Variants in SYPL1 observed in about 807,000 individuals in gnomAD.
The protein encoded by SYPL1 is synaptophysin like 1.
Under a neutral mutation model 23.7 loss-of-function variants are expected in SYPL1, and 6 were observed. That is an observed-to-expected ratio of 0.25 (90% CI 0.14 to 0.50). SYPL1 has a LOEUF of 0.50. Ranked by LOEUF, SYPL1 falls within the 20% of genes least tolerant of loss-of-function variation. The probability of loss-of-function intolerance (pLI) is 0.98; values close to 1 mark genes in which losing one functional copy is unlikely to be tolerated. For synonymous variants in SYPL1, 102 were observed against 104.5 expected, an observed-to-expected ratio of 0.98 and a Z score of 0.15; for missense variants, 253 against 288.9, an observed-to-expected ratio of 0.88 and a Z score of 0.90.
chr7:106,099,432 C>T lies in SYPL1; in HGVS notation c.70-150G>A, dbSNP rs948528677. Reference sequence around the variant, plus strand: ...TTTTTTTGAGACAGGGTTTCTGTCGCCCAGACTGGAGTACACTGGCACGAT... The same window carrying T: ...TTTTTTTGAGACAGGGTTTCTGTCGTCCAGACTGGAGTACACTGGCACGAT... On this transcript the variant is annotated intron_variant, in intron 1 of 4. Coordinates refer to ENST00000455385, the MANE Select transcript of SYPL1 (RefSeq NM_182715.4). 11 of 1,009,858 alleles carry T rather than the reference C, an allele frequency of 1.1e-5. No individual in the cohort carries two copies. In the Admixed American group the frequency reaches 1.5e-4, roughly 14 times the overall value. The allele number at this position is 1,009,858 out of a possible 1,614,324, so 62.6% of individuals were successfully genotyped here.
intron 1 of SYPL1, among the ~76,000 whole-genome samples, chr7:106,102,388 G>A (rs1048916559): frequency 1.3e-5 from 2 of 152,148 alleles, no homozygotes; most frequent in South Asian, 2.1e-4. Context: ...GAACCACAAC[G>A]CCCGGCCAAA....
rs1173249625 is a variant in SYPL1 at position 106,100,629 on chromosome 7, A to G, written c.70-1347T>C. ...GTGGTGATGGCTCTATTTTCAAAAT[A>G]CATTTGCAATCTGACCACTTGTACT... On this transcript the variant is annotated intron_variant, in intron 1 of 4. Coordinates refer to ENST00000455385, the MANE Select transcript of SYPL1 (RefSeq NM_182715.4). The surrounding 1 kb of genome is among the most constrained non-coding windows in gnomAD (Gnocchi z 5.1). 6.6e-6 allele frequency among the ~76,000 whole-genome samples: 1 copy of G among 152,194 alleles called. No homozygotes were observed. The highest frequency in any genetic ancestry group is 2.4e-5 in the African/African-American group (1 of 41,454).
chr7:106,111,924 C>T, intron 1 of SYPL1: 1 of 403,454 alleles, frequency 2.5e-6, no homozygotes, highest in Non-Finnish European at 3.7e-6. Context: ...GCCAGGCGGC[C>T]GAGGAGCTCG....
At chr7:106,108,406 T>C (rs1563342732) in intron 1 of SYPL1, among the ~76,000 whole-genome samples, 1 of 152,156 alleles carries the variant, frequency 6.6e-6, no homozygotes. Context: ...TCATGTGTTT[T>C]AGGATATTTG....
chr7:106,107,234 A>C (rs1437321886), intron 1 of SYPL1, among the ~76,000 whole-genome samples: 1 of 147,762 alleles, frequency 6.8e-6, no homozygotes, highest in South Asian at 2.1e-4. Flanking sequence ...CCTAGAGCCA[A>C]GGTATGATTT....
intron 1 of SYPL1, among the ~76,000 whole-genome samples, chr7:106,108,693 T>C (rs1244520057): frequency 6.6e-6 from 1 of 152,200 alleles, no homozygotes; most frequent in Non-Finnish European, 1.5e-5. Context: ...TCCAGATAGT[T>C]GGTTGAGCTT....
At chr7:106,112,057 T>C (rs2116233815) in intron 1 of SYPL1, 83 bp downstream of exon 1, 1 of 1,231,744 alleles carries the variant, frequency 8.1e-7, no homozygotes, top group East Asian at 3.7e-5. Flanking sequence ...CAGGGCTGCG[T>C]CCCGGCTCGC....
chr7:106,100,758 C>T lies in SYPL1; in HGVS notation c.70-1476G>A, dbSNP rs1840268790. On this transcript the variant is annotated intron_variant, in intron 1 of 4. Coordinates refer to ENST00000455385, the MANE Select transcript of SYPL1 (RefSeq NM_182715.4). This position sits in a 1 kb window ranked among gnomAD's most constrained non-coding sequence, Gnocchi z 5.1. ...CCTTGCCCCAGCTTCAGTCTGTTAT[C>T]AACACAACAGCCAAGACAATCTTTT... Among the ~76,000 whole-genome samples, 1 of 152,190 alleles carries T rather than the reference C, an allele frequency of 6.6e-6. No homozygotes were observed. Among genetic ancestry groups the T allele is most frequent in the East Asian group, 1.9e-4 (1 of 5,200 alleles).
intron 1 of SYPL1, among the ~76,000 whole-genome samples, chr7:106,108,058 A>C (rs1305970325): frequency 6.6e-6 from 1 of 151,684 alleles, no homozygotes; most frequent in African/African-American, 2.4e-5. Context: ...AGCTGGATGT[A>C]GTGGCGAGCG....
Position 106,093,758 on chromosome 7 carries a change from G to T in SYPL1, c.403-621C>A, listed in dbSNP as rs977632543. Reference sequence around the variant, plus strand: ...GTTAAACCAAATTCTCCATGAGATGGATAATAAAATGGTGAAAAGCACACA... The same window carrying T: ...GTTAAACCAAATTCTCCATGAGATGTATAATAAAATGGTGAAAAGCACACA... On this transcript the variant is annotated intron_variant, in intron 3 of 4. Coordinates refer to ENST00000455385, the MANE Select transcript of SYPL1 (RefSeq NM_182715.4). Among the ~76,000 whole-genome samples the T allele has an allele frequency of 5.5e-5, 7 of 126,834 alleles. 1 individual carries two copies. Among genetic ancestry groups the T allele is most frequent in the African/African-American group, 1.7e-4 (7 of 40,404 alleles). 83.2% of individuals were successfully genotyped at this position (126,834 alleles called of 152,430 possible). A position where few individuals can be genotyped will look rare whatever the true frequency, so the allele number is the denominator to read the frequency against.
At chr7:106,106,535 G>A (rs1294169000) in intron 1 of SYPL1, among the ~76,000 whole-genome samples, 2 of 144,242 alleles carry the variant, frequency 1.4e-5, no homozygotes, top group African/African-American at 5.2e-5. Flanking sequence ...CTGGGCGACA[G>A]AGTAAGACTC....
intron 1 of SYPL1, among the ~76,000 whole-genome samples, chr7:106,108,078 C>T (rs1201033534): frequency 2.6e-4 from 40 of 151,970 alleles, no homozygotes; most frequent in Admixed American, 2.6e-3. Flanking sequence ...GCCTGTAATC[C>T]CAGCTACTCG....
intron 1 of SYPL1, among the ~76,000 whole-genome samples, chr7:106,107,610 C>T (rs1450707647): frequency 6.6e-6 from 1 of 151,998 alleles, no homozygotes; most frequent in African/African-American, 2.4e-5. Flanking sequence ...GGCAAGGTGG[C>T]ACACGCCTGT....
chr7:106,094,495 T>C (rs1413652254), intron 3 of SYPL1, among the ~76,000 whole-genome samples: 1 of 152,212 alleles, frequency 6.6e-6, no homozygotes, highest in Non-Finnish European at 1.5e-5. Flanking sequence ...CTGCTACTTG[T>C]CCTTTTAAAA....
At chr7:106,107,719 G>C (rs1840678865) in intron 1 of SYPL1, among the ~76,000 whole-genome samples, 1 of 138,202 alleles carries the variant, frequency 7.2e-6, no homozygotes, top group Admixed American at 7.4e-5. Context: ...TCCAGCCTGG[G>C]TGACAGAGCA....
intron 1 of SYPL1, among the ~76,000 whole-genome samples, chr7:106,107,259 C>T (rs1163951544): frequency 2.0e-5 from 3 of 151,838 alleles, no homozygotes; most frequent in Admixed American, 2.0e-4. Context: ...GAGTCAAAGT[C>T]CAAAATGTTT....
rs1840046019 is a variant in SYPL1 at position 106,096,969 on chromosome 7, C to G, written c.402+721G>C. Among the ~76,000 whole-genome samples the G allele has an allele frequency of 6.6e-6, 1 of 151,922 alleles. No individual in the cohort carries two copies. Among genetic ancestry groups the G allele is most frequent in the African/African-American group, 2.4e-5 (1 of 41,174 alleles). On this transcript the variant is annotated intron_variant, in intron 3 of 4. Transcript: ENST00000455385. This position sits in a 1 kb window ranked among gnomAD's most constrained non-coding sequence, Gnocchi z 4.4. ...CTGGCCACACCTATAACCCCCAGCACTTTGGGAGGCCAAGGCAGGCAGATC... is the reference window on the plus strand; with the variant it reads ...CTGGCCACACCTATAACCCCCAGCAGTTTGGGAGGCCAAGGCAGGCAGATC...
At chr7:106,101,662 T>G (rs12705334) in intron 1 of SYPL1, among the ~76,000 whole-genome samples, 1 of 151,254 alleles carries the variant, frequency 6.6e-6, no homozygotes, top group Non-Finnish European at 1.5e-5. Context: ...TAATGTTTTA[T>G]GTTAAAAAAG....
chr7:106,093,117 A>C lies in SYPL1; in HGVS notation c.423T>G (p.Val141=), dbSNP rs566650967. ...LPMIDFVVTL[V]ATFLWLVSTS... is the part of the protein sequence containing the mutation. Reference sequence around the variant, plus strand: ...TGCTCACCAACCACAAAAAAGTGGCAACAAGTGTAACAACAAAGTCCTAAA... The same window carrying C: ...TGCTCACCAACCACAAAAAAGTGGCCACAAGTGTAACAACAAAGTCCTAAA... Residue 141 remains valine, a synonymous_variant, in exon 4 of 5, where the codon GTT becomes GTG. Coordinates refer to ENST00000455385, the MANE Select transcript of SYPL1 (RefSeq NM_182715.4). 4.9e-5 allele frequency: 78 copies of C among 1,606,404 alleles called. 1 individual carries two copies. The East Asian group carries it at 1.7e-3, about 35-fold the overall frequency.
Sources: allele counts gnomAD v4.1 joint callset (sites outside exome capture counted in the v4.1 genomes callset), GRCh38; gene constraint gnomAD v4.1.1; non-coding constraint Gnocchi (gnomAD v3.1); transcripts MANE v1.5; gene names NCBI Gene and HGNC (gene_info 2026-07-23, HGNC 2026-07-21).